Variants in SMC5 observed in about 807,000 individuals in gnomAD.
SMC5 encodes structural maintenance of chromosomes protein 5.
In SMC5, 88 loss-of-function variants were observed where a neutral mutation model predicts 148.3. That is an observed-to-expected ratio of 0.59 (90% confidence interval 0.50 to 0.71). SMC5 has a LOEUF of 0.71. SMC5 is among the 30% of genes least tolerant of loss of function. The pLI is 0.00. For missense variants in SMC5, 1,142 were observed against 1,298.9 expected (o/e 0.88, Z 1.86); for synonymous variants, 421 against 432.8 (o/e 0.97, Z 0.34).
intron 13 of SMC5, 139 bp from the exon 14 acceptor site, chr9:70,318,375 G>A (rs2035862875): frequency 4.9e-6 from 3 of 607,922 alleles, no homozygotes; most frequent in Non-Finnish European, 7.9e-6. Flanking sequence ...GTGACAGAGT[G>A]AGACCCTGTC....
chr9:70,280,725 G>T (rs1298561725), intron 5 of SMC5, 34 bp from the exon 6 acceptor site: 4 of 1,565,708 alleles, frequency 2.6e-6, no homozygotes, highest in South Asian at 2.4e-5. Context: ...CATTTTTTCT[G>T]TCAAACTGAT....
rs778092460 is a variant in SMC5, at chr9:70,318,656, A to G, written c.1949A>G (p.Glu650Gly). 2.1e-5 allele frequency: 33 copies of G among 1,607,532 alleles called. No homozygotes were observed. The highest frequency in any genetic ancestry group is 2.7e-5 in the Non-Finnish European group (32 of 1,177,322). ...AQFLTVTVDLEQRRHLEEQLK... is the reference protein window; with the variant it reads ...AQFLTVTVDLGQRRHLEEQLK... ...TTTCTCACTGTCACTGTGGACCTAG[A>G]GCAGAGAAGACACTTAGAAGAACAG... The change falls in exon 14 of 25, where the codon GAG (glutamate) becomes GGG (glycine). Residue 650 changes from glutamate (E) to glycine (G), a missense_variant. Transcript: ENST00000361138.
At chr9:70,322,174 A>G (rs965386604) in intron 15 of SMC5, among the ~76,000 whole-genome samples, 9 of 150,750 alleles carry the variant, frequency 6.0e-5, no homozygotes, top group African/African-American at 1.9e-4. Context: ...TGTTTAAAGC[A>G]AGATATATCT....
At chr9:70,302,240 C>G (rs1291463384) in intron 10 of SMC5, among the ~76,000 whole-genome samples, 3 of 152,032 alleles carry the variant, frequency 2.0e-5, no homozygotes, top group East Asian at 1.9e-4. Flanking sequence ...GTGGCTCATG[C>G]CTGTAATCAG....
At chr9:70,301,335 T>G (rs2035351859) in intron 10 of SMC5, among the ~76,000 whole-genome samples, 1 of 152,196 alleles carries the variant, frequency 6.6e-6, no homozygotes, top group Non-Finnish European at 1.5e-5. Flanking sequence ...GTCAGATTAA[T>G]AGCTGGCATA....
At chr9:70,306,551 T>G (rs1044719477) in intron 11 of SMC5, among the ~76,000 whole-genome samples, 25 of 152,348 alleles carry the variant, frequency 1.6e-4, no homozygotes, top group African/African-American at 6.0e-4. Context: ...AGTGGAGAAG[T>G]CAAGTTGCTT....
intron 10 of SMC5, among the ~76,000 whole-genome samples, chr9:70,304,136 T>C (rs935268771): frequency 6.6e-6 from 1 of 152,186 alleles, no homozygotes; most frequent in Non-Finnish European, 1.5e-5. Flanking sequence ...TCACCCAGGA[T>C]GGAGTGCAGT....
chr9:70,333,547 ATGGCAAAACCC>A (rs1045861538), intron 17 of SMC5, among the ~76,000 whole-genome samples: 1 of 152,020 alleles, frequency 6.6e-6, no homozygotes, highest in Non-Finnish European at 1.5e-5. Context: ...CCTGGCCAAC[ATGGCAAAACCC>A]TGTCTCTACT....
intron 6 of SMC5, 101 bp from the exon 7 acceptor site, chr9:70,282,321 C>A: frequency 7.9e-7 from 1 of 1,263,872 alleles, no homozygotes; most frequent in South Asian, 1.8e-5. Flanking sequence ...GATATCAAAA[C>A]AATCTTTTCT....
At chr9:70,325,259 C>T (rs1349697214) in intron 17 of SMC5, among the ~76,000 whole-genome samples, 1 of 152,182 alleles carries the variant, frequency 6.6e-6, no homozygotes, top group African/African-American at 2.4e-5. Flanking sequence ...TTTCCTATTG[C>T]TCAATTCCAA....
chr9:70,274,001 T>C (rs2034518969), intron 3 of SMC5, among the ~76,000 whole-genome samples: 1 of 152,250 alleles, frequency 6.6e-6, no homozygotes, highest in South Asian at 2.1e-4. Flanking sequence ...AAAGGTGTAT[T>C]ACACTATTCC....
chr9:70,346,726 G>T (rs1414495657), intron 19 of SMC5, 77 bp downstream of exon 19: 3 of 1,445,846 alleles, frequency 2.1e-6, no homozygotes, highest in Non-Finnish European at 2.9e-6. Context: ...TTGCTTTAAG[G>T]CCCGGAGATG....
chr9:70,322,520 A>G (rs1227076821), intron 15 of SMC5, among the ~76,000 whole-genome samples: 3 of 152,178 alleles, frequency 2.0e-5, no homozygotes, highest in African/African-American at 7.2e-5. Flanking sequence ...TTTTCTTTGC[A>G]TGTTCCTACC....
At chr9:70,309,729 A>G (rs185052950) in intron 11 of SMC5, among the ~76,000 whole-genome samples, 5 of 152,116 alleles carry the variant, frequency 3.3e-5, no homozygotes, top group African/African-American at 9.7e-5. Flanking sequence ...TACTTCTTCC[A>G]CAGAAGTCGA....
chr9:70,273,180 A>G (rs1587624288), intron 3 of SMC5, among the ~76,000 whole-genome samples: 2 of 145,202 alleles, frequency 1.4e-5, no homozygotes, highest in South Asian at 4.5e-4. Context: ...TGCAAAAAAA[A>G]TCATCTGGCT....
intron 8 of SMC5, among the ~76,000 whole-genome samples, chr9:70,295,045 G>A (rs2035158179): frequency 6.6e-6 from 1 of 152,080 alleles, no homozygotes; most frequent in South Asian, 2.1e-4. Flanking sequence ...GTACAGTGGG[G>A]ATTAATGAGA....
At chr9:70,339,498 T>A (rs1382930801) in intron 17 of SMC5, among the ~76,000 whole-genome samples, 3 of 152,178 alleles carry the variant, frequency 2.0e-5, no homozygotes, top group Non-Finnish European at 2.9e-5. Context: ...GATAGTTCAC[T>A]TTCTCTTTTA....
At chr9:70,259,490 C>G (rs534532817) in intron 1 of SMC5, among the ~76,000 whole-genome samples, 16 of 152,284 alleles carry the variant, frequency 1.1e-4, no homozygotes, top group African/African-American at 3.1e-4. Context: ...TAAATTTAGT[C>G]AGCCAAGGTT....
In SMC5 at chr9:70,259,001, T is replaced by A; in HGVS notation, c.-78T>A. 1 of 1,458,264 alleles carries A rather than the reference T, an allele frequency of 6.9e-7. No homozygotes were observed. The highest frequency in any genetic ancestry group is 9.1e-7 in the Non-Finnish European group (1 of 1,099,698). 90.3% of individuals were successfully genotyped at this position (1,458,264 alleles called of 1,614,324 possible). A position where few individuals can be genotyped will look rare whatever the true frequency, so the allele number is the denominator to read the frequency against. On this transcript the variant is annotated 5_prime_UTR_variant, in exon 1 of 25. Coordinates refer to ENST00000361138, the MANE Select transcript of SMC5 (RefSeq NM_015110.4). ...GCAGTTCGCGCGGGAGCGGGGCGCC[T>A]GGGTGGATGGGCGCTTGGGCGCCTG... is the stretch of plus-strand genomic sequence containing the variant.
Sources: allele counts gnomAD v4.1 joint callset (sites outside exome capture counted in the v4.1 genomes callset), GRCh38; gene constraint gnomAD v4.1.1; transcripts MANE v1.5; gene names NCBI Gene and HGNC (gene_info 2026-07-23, HGNC 2026-07-21).